The following CCDC30 variants were observed in gnomAD, a reference collection of about 807,000 sequenced individuals.
CCDC30 encodes coiled-coil domain-containing protein 30.
In CCDC30, 70 loss-of-function variants were observed where a neutral mutation model predicts 100.2. The ratio of observed to expected loss-of-function variants is 0.70; its 90% confidence interval spans 0.58 to 0.85. The LOEUF is 0.85. Ranked by LOEUF, CCDC30 falls within the 40% of genes least tolerant of loss-of-function variation. CCDC30 has a pLI of 0.00. For synonymous variants in CCDC30, 233 were observed against 269.5 expected (o/e 0.86, Z 1.33); for missense variants, 652 against 771.2 (o/e 0.85, Z 1.83).
Position 42,589,357 on chromosome 1 carries a change from G to A in CCDC30, c.1038G>A (p.Arg346=), listed in dbSNP as rs568418864. 3.1e-6 allele frequency: 5 copies of A among 1,612,114 alleles called. No homozygotes were observed. The East Asian group carries it at 1.1e-4, about 36-fold the overall frequency. The change falls in exon 10 of 17, where the codon AGG becomes AGA. Residue 346 remains arginine, a synonymous_variant. Coordinates refer to ENST00000668663, the Ensembl canonical transcript of CCDC30. ...ATCAGAACGTAGATGAGTTACACAG[G>A]CAAGTGAGAACCTTACAAGATAAAG...
intron 6 of CCDC30, among the ~76,000 whole-genome samples, chr1:42,542,539 CTTT>C (rs58751072): frequency 5.3e-5 from 4 of 75,574 alleles, no homozygotes; most frequent in East Asian, 6.6e-4. Context: ...TTAAATTTTT[CTTT>C]TTTTTTTTTT....
chr1:42,482,280 G>C (rs1643972555), intron 2 of CCDC30, among the ~76,000 whole-genome samples: 1 of 151,304 alleles, frequency 6.6e-6, no homozygotes, highest in Non-Finnish European at 1.5e-5. Context: ...ACAGAGAAGT[G>C]TTCCTGTATA....
chr1:42,497,194 A>T (rs1451615009), exon 5 of CCDC30: 3 of 1,233,794 alleles, frequency 2.4e-6, no homozygotes, highest in Non-Finnish European at 3.0e-6. Context: ...GACTCAGAAA[A>T]AAAGGTGCTT....
At chr1:42,645,768 G>T (rs1286414866) in intron 14 of CCDC30, among the ~76,000 whole-genome samples, 1 of 151,802 alleles carries the variant, frequency 6.6e-6, no homozygotes, top group Admixed American at 6.6e-5. Flanking sequence ...GTTTTCAATT[G>T]TCTAGTCATT....
intron 6 of CCDC30, among the ~76,000 whole-genome samples, chr1:42,518,529 GT>G (rs1315393104): frequency 1.3e-5 from 2 of 152,082 alleles, no homozygotes; most frequent in African/African-American, 4.8e-5. Flanking sequence ...ATACCATTTT[GT>G]TTAATTGCCT....
At chr1:42,595,190 C>T (rs937103747) in intron 10 of CCDC30, 7 of 151,872 alleles carry the variant, frequency 4.6e-5, no homozygotes, top group South Asian at 2.1e-4. Flanking sequence ...TATATCATGA[C>T]GAGAAATAAG....
chr1:42,490,636 C>T (rs2148466014), intron 4 of CCDC30, among the ~76,000 whole-genome samples: 1 of 152,094 alleles, frequency 6.6e-6, no homozygotes, highest in East Asian at 1.9e-4. Context: ...TATCTCTAAT[C>T]CTCACAACAG....
chr1:42,518,947 G>T (rs375317351), intron 6 of CCDC30, among the ~76,000 whole-genome samples: 8 of 152,192 alleles, frequency 5.3e-5, no homozygotes, highest in African/African-American at 1.9e-4. Flanking sequence ...TATTGAAGCA[G>T]ATTCTTTCTG....
intron 9 of CCDC30, among the ~76,000 whole-genome samples, 162 bp downstream of exon 13, chr1:42,581,676 T>C (rs900230271): frequency 2.0e-5 from 3 of 152,184 alleles, no homozygotes; most frequent in African/African-American, 7.2e-5. Context: ...CTTACCACAC[T>C]GTATTCTAAT....
chr1:42,625,871 G>C (rs1164098633), intron 11 of CCDC30, among the ~76,000 whole-genome samples: 1 of 151,886 alleles, frequency 6.6e-6, no homozygotes, highest in Non-Finnish European at 1.5e-5. Flanking sequence ...AGGTCCATTT[G>C]GTCTATAATG....
At chr1:42,466,193 G>T (rs1307198477) in intron 1 of CCDC30, among the ~76,000 whole-genome samples, 1 of 152,188 alleles carries the variant, frequency 6.6e-6, no homozygotes, top group Non-Finnish European at 1.5e-5. Context: ...TTGTGGCTGT[G>T]CTATGTACTT....
intron 12 of CCDC30, among the ~76,000 whole-genome samples, chr1:42,642,028 A>AT (rs1647460886): frequency 2.0e-5 from 3 of 152,144 alleles, no homozygotes; most frequent in Admixed American, 1.3e-4. Flanking sequence ...GATCGAGACC[A>AT]TCCTGGCTAA....
upstream of CCDC30, among the ~76,000 whole-genome samples, chr1:42,462,807 A>G (rs1643446236): frequency 6.6e-6 from 1 of 152,166 alleles, no homozygotes; most frequent in South Asian, 2.1e-4. Flanking sequence ...AATTCTAGTC[A>G]AGCCCAGTTT....
intron 1 of CCDC30, among the ~76,000 whole-genome samples, chr1:42,469,639 C>T (rs1004246820): frequency 2.0e-5 from 3 of 151,838 alleles, no homozygotes; most frequent in African/African-American, 4.8e-5. Flanking sequence ...TGGGATGGGG[C>T]CTAGAATACA....
chr1:42,541,490 T>C (rs1234974829), intron 6 of CCDC30, among the ~76,000 whole-genome samples: 2 of 152,244 alleles, frequency 1.3e-5, no homozygotes, highest in Non-Finnish European at 2.9e-5. Flanking sequence ...GTAATTCAGA[T>C]TACCCACACT....
intron 11 of CCDC30, among the ~76,000 whole-genome samples, chr1:42,632,150 T>C (rs1647050081): frequency 6.6e-6 from 1 of 152,182 alleles, no homozygotes; most frequent in Non-Finnish European, 1.5e-5. Flanking sequence ...GTATCGCTGC[T>C]GGTTACTCAG....
Position 42,506,110 on chromosome 1 carries a change from CTTAA to C in CCDC30, c.456+7197_456+7200del, listed in dbSNP as rs1218903580. Among the ~76,000 whole-genome samples the C allele has an allele frequency of 3.3e-5, 5 of 152,314 alleles. No individual in the cohort carries two copies. The East Asian group carries it at 9.6e-4, about 29-fold the overall frequency. ...ATTTTATTCACAAGAGTATACCTTA[CTTAA>C]TTGTTAAAAGCTGTAGATAGCTTAA... On this transcript the variant is annotated intron_variant, in intron 6 of 16. Transcript: ENST00000668663.
chr1:42,642,661 C>T, intron 13 of CCDC30, 52 bp downstream of exon 17: 1 of 1,420,800 alleles, frequency 7.0e-7, no homozygotes, highest in South Asian at 1.9e-5. Context: ...GGATGTTTCT[C>T]CCTCAACAAA....
intron 10 of CCDC30, among the ~76,000 whole-genome samples, chr1:42,603,453 G>A (rs772622743): frequency 1.3e-5 from 2 of 152,102 alleles, no homozygotes; most frequent in African/African-American, 2.4e-5. Flanking sequence ...TGGCAAATGC[G>A]TAAAAAGGAT....
Sources: gnomAD v4.1 joint callset for allele counts (sites outside exome capture counted in the v4.1 genomes callset) on GRCh38, gnomAD v4.1.1 for gene constraint, MANE v1.5 for transcripts, NCBI Gene and HGNC (gene_info 2026-07-23, HGNC 2026-07-21) for gene names.